Variants in ENTREP2 observed in about 807,000 individuals in gnomAD.
ENTREP2 encodes the protein endosomal transmembrane epsin interactor 2.
chr15:29,223,961 A>T, the ENTREP2 span, among the ~76,000 whole-genome samples: 19 of 152,294 alleles, frequency 1.2e-4, 1 homozygote, highest in South Asian at 3.9e-3. Flanking sequence ...CTGTGAACAC[A>T]GATAGCTCCA....
chr15:29,559,501 T>C, the ENTREP2 span, among the ~76,000 whole-genome samples: 2 of 152,098 alleles, frequency 1.3e-5, no homozygotes, highest in Non-Finnish European at 2.9e-5. Flanking sequence ...TCATCCTACA[T>C]TCTGGAGGTC....
the ENTREP2 span, among the ~76,000 whole-genome samples, chr15:29,253,674 C>T: frequency 1.3e-5 from 2 of 152,104 alleles, no homozygotes; most frequent in South Asian, 2.1e-4. Flanking sequence ...ATCTCTTGAC[C>T]TCATGATCTG....
the ENTREP2 span, among the ~76,000 whole-genome samples, chr15:29,594,448 A>C: frequency 6.6e-6 from 1 of 152,182 alleles, no homozygotes. Flanking sequence ...GTCCCTGTAC[A>C]GGCTCTGCCA....
the ENTREP2 span, among the ~76,000 whole-genome samples, chr15:29,272,806 C>G: frequency 1.2e-4 from 19 of 152,140 alleles, no homozygotes; most frequent in Admixed American, 5.2e-4. Context: ...TAGCATGATC[C>G]AGGGTAGGAG....
At chr15:29,360,134 G>A in the ENTREP2 span, among the ~76,000 whole-genome samples, 1 of 152,110 alleles carries the variant, frequency 6.6e-6, no homozygotes, top group African/African-American at 2.4e-5. Flanking sequence ...TGTATGCTTG[G>A]TAATACTTTT....
the ENTREP2 span, among the ~76,000 whole-genome samples, chr15:29,161,121 C>A: frequency 6.6e-6 from 1 of 152,192 alleles, no homozygotes; most frequent in Non-Finnish European, 1.5e-5. Flanking sequence ...CTGCCATGGG[C>A]CCTGAGCATG....
At chr15:29,574,395 G>A in the ENTREP2 span, among the ~76,000 whole-genome samples, 1 of 152,204 alleles carries the variant, frequency 6.6e-6, no homozygotes, top group Non-Finnish European at 1.5e-5. Flanking sequence ...CTGAGTTCAA[G>A]CGATTCTCGT....
the ENTREP2 span, among the ~76,000 whole-genome samples, chr15:29,300,463 T>C: frequency 2.1e-4 from 32 of 152,150 alleles, no homozygotes; most frequent in African/African-American, 7.7e-4. Flanking sequence ...TGTTGAGGCA[T>C]GGCATCACCA....
At chr15:29,355,278 A>T in the ENTREP2 span, among the ~76,000 whole-genome samples, 1 of 152,158 alleles carries the variant, frequency 6.6e-6, no homozygotes, top group Admixed American at 6.5e-5. Flanking sequence ...CCCAATTTAA[A>T]TATGTCATCT....
At chr15:29,558,241 G>T in the ENTREP2 span, among the ~76,000 whole-genome samples, 2 of 152,112 alleles carry the variant, frequency 1.3e-5, no homozygotes, top group Non-Finnish European at 2.9e-5. Flanking sequence ...GTCATCATGT[G>T]AACACTGCCC....
the ENTREP2 span, among the ~76,000 whole-genome samples, chr15:29,536,477 G>A: frequency 3.3e-5 from 5 of 151,866 alleles, no homozygotes; most frequent in South Asian, 2.1e-4. Context: ...GGTGACATAC[G>A]CCTGTAATCC....
the ENTREP2 span, among the ~76,000 whole-genome samples, chr15:29,303,503 G>C: frequency 6.6e-6 from 1 of 151,866 alleles, no homozygotes; most frequent in East Asian, 1.9e-4. Context: ...CATGTTATAG[G>C]GGTACTTTTT....
chr15:29,546,353 G>A, the ENTREP2 span, among the ~76,000 whole-genome samples: 1 of 152,076 alleles, frequency 6.6e-6, no homozygotes. Context: ...GCAAAGTGCT[G>A]GAGCCAGTAT....
the ENTREP2 span, among the ~76,000 whole-genome samples, chr15:29,164,120 G>T: frequency 6.6e-6 from 1 of 152,172 alleles, no homozygotes; most frequent in Non-Finnish European, 1.5e-5. Context: ...AATGCTGAGA[G>T]AATTCGTCAC....
the ENTREP2 span, among the ~76,000 whole-genome samples, chr15:29,126,064 T>A: frequency 6.6e-6 from 1 of 151,972 alleles, no homozygotes; most frequent in East Asian, 1.9e-4. Context: ...CCTGCCAGAG[T>A]GACAAGCCTG....
At chr15:29,137,229 A>T in the ENTREP2 span, 1 of 1,453,938 alleles carries the variant, frequency 6.9e-7, no homozygotes, top group Non-Finnish European at 9.0e-7. Context: ...GTTATCTGGG[A>T]CATCTTGTGT....
the ENTREP2 span, among the ~76,000 whole-genome samples, chr15:29,335,395 C>T: frequency 6.6e-6 from 1 of 152,300 alleles, no homozygotes; most frequent in Admixed American, 6.5e-5. Context: ...GTGAAGTCAT[C>T]CAGTACAACA....
the ENTREP2 span, among the ~76,000 whole-genome samples, chr15:29,312,533 G>A: frequency 6.6e-6 from 1 of 152,086 alleles, no homozygotes; most frequent in Non-Finnish European, 1.5e-5. Context: ...TTGTCTCTGA[G>A]TCATATTTTG....
chr15:29,183,266 G>A, the ENTREP2 span, among the ~76,000 whole-genome samples: 3 of 152,186 alleles, frequency 2.0e-5, no homozygotes, highest in Non-Finnish European at 4.4e-5. Context: ...AAACCAGGGA[G>A]TTAGCAGATC....
Sources: allele counts gnomAD v4.1 joint callset (sites outside exome capture counted in the v4.1 genomes callset), GRCh38; gene constraint gnomAD v4.1.1; transcripts MANE v1.5; gene names NCBI Gene and HGNC (gene_info 2026-07-23, HGNC 2026-07-21).